NRXN1: variants seen among roughly 807,000 people sequenced by gnomAD.
NRXN1 encodes neurexin 1, also known as neurexin-1.
Under a neutral mutation model 150.9 loss-of-function variants are expected in NRXN1, and 39 were observed. The observed-to-expected ratio is 0.26, with a 90% confidence interval of 0.20 to 0.34. The LOEUF is 0.34. Among genes scored for constraint, NRXN1 ranks in the 10% least tolerant of loss-of-function variants. The pLI, the probability that NRXN1 is intolerant of heterozygous loss-of-function variation, is 1.00. For synonymous variants in NRXN1, 924 were observed against 757.0 expected (o/e 1.22, Z -3.62); for missense variants, 1,815 against 1,949.9 (o/e 0.93, Z 1.30).
chr2:50,219,815 G>A (rs1486703772), intron 18 of NRXN1, among the ~76,000 whole-genome samples: 11 of 147,430 alleles, frequency 7.5e-5, no homozygotes, highest in Non-Finnish European at 1.3e-4. Flanking sequence ...TTGAGCCTCG[G>A]GAGTGTCGAG....
intron 17 of NRXN1, among the ~76,000 whole-genome samples, chr2:50,291,135 GA>G (rs5831107): frequency 2.0e-4 from 29 of 143,846 alleles, no homozygotes; most frequent in East Asian, 6.2e-4. Context: ...CACAGAAGTT[GA>G]AAAAAAAAAA....
At chr2:50,111,406 T>C (rs1237415774) in intron 18 of NRXN1, among the ~76,000 whole-genome samples, 1 of 152,052 alleles carries the variant, frequency 6.6e-6, no homozygotes, top group Non-Finnish European at 1.5e-5. Context: ...CTTTTGGAGG[T>C]TGAGGCGGGC....
intron 21 of NRXN1, chr2:49,973,782 A>G (rs1678397773): frequency 1.8e-6 from 1 of 570,176 alleles, no homozygotes; most frequent in South Asian, 2.4e-5. Flanking sequence ...CATTTCACAT[A>G]CAGCGTGCAT....
intron 5 of NRXN1, among the ~76,000 whole-genome samples, chr2:50,861,753 G>A (rs1195939091): frequency 6.6e-6 from 1 of 152,002 alleles, no homozygotes; most frequent in Non-Finnish European, 1.5e-5. Context: ...GGTTCATCTT[G>A]AGCTGATATT....
At chr2:50,298,251 T>C (rs1172508088) in intron 17 of NRXN1, among the ~76,000 whole-genome samples, 1 of 152,114 alleles carries the variant, frequency 6.6e-6, no homozygotes, top group African/African-American at 2.4e-5. Context: ...GGCACAGATT[T>C]TTCAGGAAGG....
chr2:50,201,035 T>G (rs1243574834), intron 18 of NRXN1, among the ~76,000 whole-genome samples: 1 of 152,154 alleles, frequency 6.6e-6, no homozygotes. Context: ...GCCCACTGTT[T>G]AATTTCTGAG....
intron 2 of NRXN1, among the ~76,000 whole-genome samples, chr2:50,978,296 AT>A (rs1409671913): frequency 5.1e-4 from 66 of 130,250 alleles, no homozygotes; most frequent in African/African-American, 1.7e-3. Flanking sequence ...ATATATATAT[AT>A]ATATATATAA....
chr2:50,755,621 A>G (rs1701077683), intron 5 of NRXN1, among the ~76,000 whole-genome samples: 2 of 151,846 alleles, frequency 1.3e-5, no homozygotes, highest in Admixed American at 6.6e-5. Flanking sequence ...TTTAAACCAC[A>G]AAACCAAAAA....
chr2:50,627,357 ATGTGTGTGTGTGTGTG>A (rs34870955), intron 5 of NRXN1, among the ~76,000 whole-genome samples: 3 of 143,516 alleles, frequency 2.1e-5, no homozygotes, highest in African/African-American at 5.2e-5. Context: ...TGGTTCATGT[ATGTGTGTGTGTGTGTG>A]TGTGTGTGTG....
intron 17 of NRXN1, among the ~76,000 whole-genome samples, chr2:50,278,757 A>G (rs2071008374): frequency 6.6e-6 from 1 of 152,164 alleles, no homozygotes; most frequent in African/African-American, 2.4e-5. Context: ...CAATTATAGT[A>G]TGGCAAAATA....
chr2:50,226,941 G>A (rs2064439298), intron 18 of NRXN1, among the ~76,000 whole-genome samples: 1 of 151,928 alleles, frequency 6.6e-6, no homozygotes, highest in South Asian at 2.1e-4. Context: ...AACAAATACT[G>A]ATTGCTCACT....
chr2:50,597,471 T>C (rs1252772801), intron 8 of NRXN1, among the ~76,000 whole-genome samples: 1 of 152,170 alleles, frequency 6.6e-6, no homozygotes, highest in Non-Finnish European at 1.5e-5. Flanking sequence ...TCCTCTGATC[T>C]CTTCTCTTCC....
chr2:49,997,361 G>T (rs1260378512), intron 21 of NRXN1, among the ~76,000 whole-genome samples: 2 of 152,250 alleles, frequency 1.3e-5, no homozygotes, highest in East Asian at 1.9e-4. Flanking sequence ...GTTGCTGGAA[G>T]AAGTGATTTT....
intron 17 of NRXN1, among the ~76,000 whole-genome samples, chr2:50,337,950 G>A (rs1337793539): frequency 6.6e-6 from 1 of 152,172 alleles, no homozygotes; most frequent in African/African-American, 2.4e-5. Flanking sequence ...CAAGACTTTT[G>A]TATAAAGATG....
chr2:50,394,280 A>G (rs2081924816), intron 17 of NRXN1, among the ~76,000 whole-genome samples: 1 of 152,052 alleles, frequency 6.6e-6, no homozygotes, highest in African/African-American at 2.4e-5. Flanking sequence ...TCATGTATCC[A>G]TCTACCTACT....
At chr2:50,684,807 C>T (rs771298043) in intron 5 of NRXN1, among the ~76,000 whole-genome samples, 1 of 152,148 alleles carries the variant, frequency 6.6e-6, no homozygotes, top group Non-Finnish European at 1.5e-5. Flanking sequence ...GTTTCCTATA[C>T]TTTATTTTAG....
At chr2:50,689,049 C>G (rs1691675417) in intron 5 of NRXN1, among the ~76,000 whole-genome samples, 1 of 152,114 alleles carries the variant, frequency 6.6e-6, no homozygotes, top group Non-Finnish European at 1.5e-5. Flanking sequence ...GATCTAAGTT[C>G]TGGGAGCATG....
At chr2:50,900,921 T>C (rs1682848559) in intron 5 of NRXN1, among the ~76,000 whole-genome samples, 1 of 152,120 alleles carries the variant, frequency 6.6e-6, no homozygotes, top group African/African-American at 2.4e-5. Context: ...TCATATTGAA[T>C]TACCTCTTCA....
At chr2:50,621,133 T>C (rs1679939327) in intron 7 of NRXN1, 93 bp downstream of exon 7, 3 of 1,114,116 alleles carry the variant, frequency 2.7e-6, no homozygotes, top group Non-Finnish European at 3.9e-6. Flanking sequence ...TTGTTAATGA[T>C]GTCTACAGTT....
Sources: allele counts gnomAD v4.1 joint callset (sites outside exome capture counted in the v4.1 genomes callset), GRCh38; gene constraint gnomAD v4.1.1; transcripts MANE v1.5; gene names NCBI Gene and HGNC (gene_info 2026-07-23, HGNC 2026-07-21).